Variants in PRKCD observed in about 807,000 individuals in gnomAD.
PRKCD encodes the protein protein kinase C delta.
A neutral mutation model predicts 82.2 loss-of-function variants in PRKCD; 20 were observed. The ratio of observed to expected loss-of-function variants is 0.24; its 90% CI spans 0.17 to 0.35. The LOEUF (loss-of-function observed/expected upper bound fraction) is 0.35, where lower values mean the gene tolerates loss of function less well. PRKCD is among the 10% of genes least tolerant of loss of function. The pLI is 1.00. For missense variants in PRKCD, 607 were observed against 899.0 expected (o/e 0.68, Z 4.15); for synonymous variants, 317 against 337.0 (o/e 0.94, Z 0.65).
chr3:53,190,035 G>T, intron 18 of PRKCD, 34 bp downstream of exon 18: 1 of 1,612,708 alleles, frequency 6.2e-7, no homozygotes, highest in South Asian at 1.1e-5. Flanking sequence ...CCTTCAGGCT[G>T]AGCTACTCCT....
rs377368230 is a variant in PRKCD, at chr3:53,178,586, G to T, written c.115+49G>T. On this transcript the variant is annotated intron_variant, in intron 3 of 18. Transcript: ENST00000330452. ...GAGAGGGGCTGGGAATCTGGGCCCA[G>T]CTGGAAGGACTGGAGGGGGCCTGGC... is the stretch of plus-strand genomic sequence containing the variant. The T allele has an allele frequency of 7.9e-6, 12 of 1,527,006 alleles. No individual in the cohort carries two copies. The African/African-American group carries it at 1.6e-4, about 21-fold the overall frequency. 94.6% of individuals were successfully genotyped at this position (1,527,006 alleles called of 1,614,324 possible).
At chr3:53,173,416 G>A (rs782425294) in intron 2 of PRKCD, 4 of 152,230 alleles carry the variant, frequency 2.6e-5, no homozygotes, top group Non-Finnish European at 5.9e-5. Context: ...GCTGATCTGG[G>A]GCTCACATTC....
In PRKCD at chr3:53,189,916, A is replaced by G; in HGVS notation, c.1787A>G (p.Asn596Ser). Residue 596 changes from asparagine (N) to serine (S), a missense_variant, in exon 18 of 19, where the codon AAC becomes AGC. Transcript: ENST00000330452. ...EPTKRLGVTG[N>S]IKIHPFFKTI... Reference sequence around the variant, plus strand: ...ACCAAGAGGCTGGGAGTGACCGGAAACATCAAAATCCACCCCTTCTTCAAG... The same window carrying G: ...ACCAAGAGGCTGGGAGTGACCGGAAGCATCAAAATCCACCCCTTCTTCAAG... 1 of 1,614,204 alleles carries G rather than the reference A, an allele frequency of 6.2e-7. No homozygotes were observed. Among genetic ancestry groups the G allele is most frequent in the South Asian group, 1.1e-5 (1 of 91,090 alleles).
intron 18 of PRKCD, among the ~76,000 whole-genome samples, chr3:53,190,703 C>T (rs1200674827): frequency 1.3e-5 from 2 of 152,302 alleles, no homozygotes; most frequent in African/African-American, 4.8e-5. Context: ...GACCACAGTT[C>T]TTCCTTCCCA....
Position 53,188,661 on chromosome 3 carries a change from G to C in PRKCD, c.1416-59G>C, listed in dbSNP as rs1703802817. On this transcript the variant is annotated intron_variant, in intron 15 of 18. Transcript: ENST00000330452. ...ACGGCTGAAAATTAGGACATGGGGG[G>C]CAGGGTTGGAAGGAGAAGAAATGTC... 4 of 1,599,406 alleles carry C rather than the reference G, an allele frequency of 2.5e-6. No individual in the cohort carries two copies. The South Asian group carries it at 4.5e-5, about 18-fold the overall frequency.
At chr3:53,191,220 G>A (rs1703913032) in intron 18 of PRKCD, among the ~76,000 whole-genome samples, 1 of 152,090 alleles carries the variant, frequency 6.6e-6, no homozygotes, top group African/African-American at 2.4e-5. Context: ...TGGCCAACAT[G>A]GTGAAACCCC....
intron 2 of PRKCD, among the ~76,000 whole-genome samples, chr3:53,176,073 G>T (rs1392429395): frequency 6.6e-6 from 1 of 152,210 alleles, no homozygotes; most frequent in Non-Finnish European, 1.5e-5. Context: ...CATGCATGCT[G>T]CAGCCTGGGG....
chr3:53,179,549 C>A (rs1317837141), intron 3 of PRKCD, 28 bp from the exon 4 acceptor site: 4 of 1,613,806 alleles, frequency 2.5e-6, no homozygotes, highest in Non-Finnish European at 3.4e-6. Flanking sequence ...GGCCATGGCC[C>A]AACCTTCTCT....
At chr3:53,186,968 T>G (rs1367122966) in intron 14 of PRKCD, among the ~76,000 whole-genome samples, 1 of 152,190 alleles carries the variant, frequency 6.6e-6, no homozygotes, top group Non-Finnish European at 1.5e-5. Flanking sequence ...CAAATGGTGG[T>G]CCTGCATGAC....
intron 10 of PRKCD, 52 bp from the exon 11 acceptor site, chr3:53,185,552 A>C (rs1703642361): frequency 6.8e-7 from 1 of 1,475,512 alleles, no homozygotes; most frequent in Non-Finnish European, 9.4e-7. Flanking sequence ...CTGGGCTGGG[A>C]GTTCTGATAA....
intron 2 of PRKCD, among the ~76,000 whole-genome samples, chr3:53,174,143 G>A (rs145273140): frequency 2.0e-5 from 3 of 152,346 alleles, no homozygotes; most frequent in Admixed American, 1.3e-4. Context: ...TAGGGATAAC[G>A]TGAGCTAATG....
At position 53,189,973 on chromosome 3, in the gene PRKCD, G is replaced by T. The variant is rs74838104; in HGVS notation, c.1844G>T (p.Arg615Met). The change falls in exon 18 of 19, where the codon AGG becomes ATG. Residue 615 changes from arginine to methionine, a missense_variant. Around this residue, in one of 5 missense-constraint regions of PRKCD, gnomAD observed 251 missense variants for 423.9 expected, o/e 0.59. Transcript: ENST00000330452. ...TINWTLLEKR[R>M]LEPPFRPKVK... is the part of the protein sequence containing the mutation. ...AACTGGACTCTGCTGGAAAAGCGGAGGTTGGAGCCACCTTTCAGGCCCAAA... is the reference window on the plus strand; with the variant it reads ...AACTGGACTCTGCTGGAAAAGCGGATGTTGGAGCCACCTTTCAGGCCCAAA... 17 of 1,614,056 alleles carry T rather than the reference G, an allele frequency of 1.1e-5. No individual in the cohort carries two copies. In the Admixed American group the frequency reaches 2.8e-4, roughly 27 times the overall value.
rs183385318 is a variant in PRKCD, at chr3:53,184,061, G to A, written c.787+480G>A. Among the ~76,000 whole-genome samples the A allele has an allele frequency of 3.4e-4, 52 of 152,250 alleles. 1 individual carries two copies. The highest frequency in any genetic ancestry group is 2.8e-3 in the Admixed American group (43 of 15,286). ...AAATCATGAAAGATTGGCTGGGCGC[G>A]GTGGCTCACGTCTGTAATCCCAGCA... On this transcript the variant is annotated intron_variant, in intron 9 of 18. Coordinates refer to ENST00000330452, the MANE Select transcript of PRKCD (RefSeq NM_006254.4).
rs1553670217 is a variant in PRKCD at position 53,189,207 on chromosome 3, C to T, written c.1704C>T (p.Pro568=). ...ESIRVDTPHY[P]RWITKESKDI... is the part of the protein sequence containing the mutation. ...TCCGTGTGGACACGCCACATTATCC[C>T]CGCTGGATCACCAAGGAGTCCAAGG... Residue 568 remains proline (P), a synonymous_variant, in exon 17 of 19, where the codon CCC becomes CCT. Transcript: ENST00000330452. 7 of 1,613,252 alleles carry T rather than the reference C, an allele frequency of 4.3e-6. No individual in the cohort carries two copies. The South Asian group carries it at 7.7e-5, about 18-fold the overall frequency.
At chr3:53,164,036 G>GC (rs1340385316) in intron 1 of PRKCD, among the ~76,000 whole-genome samples, 2 of 152,162 alleles carry the variant, frequency 1.3e-5, no homozygotes, top group Admixed American at 1.3e-4. Context: ...GGATGCCTCT[G>GC]CCCCCAGGGA....
intron 2 of PRKCD, among the ~76,000 whole-genome samples, chr3:53,174,135 G>C (rs1309730175): frequency 2.0e-5 from 3 of 152,226 alleles, no homozygotes; most frequent in Non-Finnish European, 4.4e-5. Flanking sequence ...GATCCGCATA[G>C]GGATAACGTG....
rs1703426372 is a variant in PRKCD, at chr3:53,181,207, C to G, written c.316C>G (p.Leu106Val). 1 of 1,613,614 alleles carries G rather than the reference C, an allele frequency of 6.2e-7. No homozygotes were observed. The highest frequency in any genetic ancestry group is 1.1e-5 in the South Asian group (1 of 90,974). The change falls in exon 5 of 19, where the codon CTG becomes GTG. Residue 106 changes from leucine to valine, a missense_variant and splice_region_variant. By Grantham distance (32) the Leu-to-Val change is conservative (BLOSUM62 1). This residue lies in a region of PRKCD where 161 missense variants were observed against 227.0 expected (regional missense o/e 0.71). Transcript: ENST00000330452. ...KKNNGKAEFWLDLQPQAKVLM... is the reference protein window; with the variant it reads ...KKNNGKAEFWVDLQPQAKVLM... ...TCCCCTGGCCTCTGGCCCCCAACAG[C>G]TGGACCTGCAGCCTCAGGCCAAGGT...
intron 9 of PRKCD, 121 bp from the exon 10 acceptor site, chr3:53,184,753 C>A: frequency 1.5e-6 from 1 of 658,974 alleles, no homozygotes; most frequent in Non-Finnish European, 2.7e-6. Flanking sequence ...TTCCTAGAAA[C>A]TGGAACCCAG....
chr3:53,190,444 G>A (rs1703885524), intron 18 of PRKCD, among the ~76,000 whole-genome samples: 1 of 152,162 alleles, frequency 6.6e-6, no homozygotes, highest in Non-Finnish European at 1.5e-5. Context: ...CAGTATAAGA[G>A]ATGCCCCAGG....
Sources: allele counts gnomAD v4.1 joint callset (sites outside exome capture counted in the v4.1 genomes callset), GRCh38; gene constraint gnomAD v4.1.1; regional missense constraint gnomAD v4.1.1; transcripts MANE v1.5; gene names NCBI Gene and HGNC (gene_info 2026-07-23, HGNC 2026-07-21).